Variants in MASP1 observed in about 807,000 individuals in gnomAD.
MASP1 encodes the protein mannan-binding lectin serine protease 1.
MASP1 carries 59 observed loss-of-function variants against 77.1 expected under a neutral mutation model. That is an observed-to-expected ratio of 0.77 (90% confidence interval 0.62 to 0.95). The LOEUF (loss-of-function observed/expected upper bound fraction) is 0.95. MASP1 is among the 40% of genes least tolerant of loss of function. MASP1 has a pLI of 0.00. For synonymous variants in MASP1, 362 were observed against 354.5 expected (o/e 1.02, Z -0.24); for missense variants, 885 against 912.9 (o/e 0.97, Z 0.39).
At chr3:187,283,048 T>C (rs1021432825) in intron 2 of MASP1, among the ~76,000 whole-genome samples, 1 of 152,124 alleles carries the variant, frequency 6.6e-6, no homozygotes, top group Admixed American at 6.5e-5. Flanking sequence ...CCACTCCATG[T>C]CATTTGGGGA....
exon 16 of MASP1, chr3:187,217,349 T>C (rs544292608): frequency 6.6e-5 from 10 of 152,348 alleles, no homozygotes; most frequent in Admixed American, 6.5e-4. Context: ...GCTTCTGTTG[T>C]TAATAAAATC....
chr3:187,229,950 C>G (rs1579468507), downstream of MASP1: 1 of 1,606,700 alleles, frequency 6.2e-7, no homozygotes, highest in African/African-American at 1.3e-5. Context: ...CTCCATCTTG[C>G]CCACTGCCAG....
chr3:187,283,322 C>G (rs1579588046), intron 2 of MASP1, among the ~76,000 whole-genome samples: 1 of 152,294 alleles, frequency 6.6e-6, no homozygotes, highest in East Asian at 1.9e-4. Context: ...TGAAAAGTAT[C>G]ATCATTTTTT....
chr3:187,275,454 T>C (rs1388686184), intron 2 of MASP1, among the ~76,000 whole-genome samples: 1 of 152,168 alleles, frequency 6.6e-6, no homozygotes, highest in Non-Finnish European at 1.5e-5. Context: ...GTCATAGCTC[T>C]GCCACTCATA....
chr3:187,241,278 T>C (rs1288810330), intron 10 of MASP1, among the ~76,000 whole-genome samples: 3 of 152,192 alleles, frequency 2.0e-5, no homozygotes, highest in Non-Finnish European at 4.4e-5. Flanking sequence ...CTCAGAGTGA[T>C]GGAGCAGGCA....
chr3:187,238,377 C>T (rs1713345626), intron 10 of MASP1, among the ~76,000 whole-genome samples: 1 of 152,186 alleles, frequency 6.6e-6, no homozygotes, highest in Admixed American at 6.5e-5. Flanking sequence ...CTTCATATCT[C>T]CACTGAAATC....
At chr3:187,250,601 T>C (rs1309290997) in intron 7 of MASP1, among the ~76,000 whole-genome samples, 7 of 152,206 alleles carry the variant, frequency 4.6e-5, no homozygotes, top group Admixed American at 3.3e-4. Flanking sequence ...ATTGACTCCT[T>C]TTTCAGAGCA....
chr3:187,239,400 T>C (rs575305259), intron 10 of MASP1, among the ~76,000 whole-genome samples: 1 of 152,276 alleles, frequency 6.6e-6, no homozygotes, highest in African/African-American at 2.4e-5. Context: ...GATGCTTTAC[T>C]TCTGAGGTAT....
chr3:187,220,439 TA>T (rs1711979057), intron 15 of MASP1, among the ~76,000 whole-genome samples: 1 of 151,840 alleles, frequency 6.6e-6, no homozygotes, highest in Non-Finnish European at 1.5e-5. Context: ...CAAATGATTC[TA>T]AAAAGCCCTG....
exon 13 of MASP1, chr3:187,225,438 G>T (rs371790448): frequency 6.2e-7 from 1 of 1,614,208 alleles, no homozygotes; most frequent in Admixed American, 1.7e-5. Flanking sequence ...GGATCATACT[G>T]GGGGTGGAGA....
chr3:187,251,723 C>G lies in MASP1; in HGVS notation c.922G>C (p.Val308Leu). 2 of 1,614,098 alleles carry G rather than the reference C, an allele frequency of 1.2e-6. No homozygotes were observed. Among genetic ancestry groups the G allele is most frequent in the Non-Finnish European group, 1.7e-6 (2 of 1,179,988 alleles). Residue 308 changes from valine (V) to leucine (L), a missense_variant, in exon 7 of 11, where the codon GTC (valine) becomes CTC (leucine). Physicochemically the swap from Val to Leu is conservative, Grantham distance 32. Transcript: ENST00000296280. Reference protein sequence around the residue: ...GNECPELQPPVHGKIEPSQAK... With the variant: ...GNECPELQPPLHGKIEPSQAK... ...TGGGAGGGCTCGATTTTCCCATGGA[C>G]AGGAGGCTGTAGCTCTGGGCACTCA...
intron 15 of MASP1, among the ~76,000 whole-genome samples, chr3:187,220,873 G>T (rs75448027): frequency 6.6e-6 from 1 of 152,180 alleles, no homozygotes; most frequent in Non-Finnish European, 1.5e-5. Context: ...TTTCTCCGAT[G>T]CATCTTCTCC....
chr3:187,251,498 G>A, intron 7 of MASP1, 136 bp downstream of exon 7: 1 of 750,196 alleles, frequency 1.3e-6, no homozygotes, highest in Non-Finnish European at 2.4e-6. Flanking sequence ...TGGAGCATTT[G>A]AGAAGTTGAT....
rs190756558 is a variant in MASP1, at chr3:187,234,091, T to C, written c.*1593A>G. On this transcript the variant is annotated 3_prime_UTR_variant, in exon 11 of 11. Transcript: ENST00000296280. ...ACCCATAAGCCAAGGCTGTTGGTTA[T>C]CCACGAGGGTTTATTTCCACTTGAG... 334 of 1,272,098 alleles carry C rather than the reference T, an allele frequency of 2.6e-4. 3 individuals carry two copies. In the African/African-American group the frequency reaches 4.7e-3, roughly 18 times the overall value. The allele number at this position is 1,272,098 out of a possible 1,614,324, so 78.8% of individuals were successfully genotyped here.
At chr3:187,220,496 CTTTTTTTTTTTT>C (rs376566294) in intron 15 of MASP1, among the ~76,000 whole-genome samples, 1 of 127,766 alleles carries the variant, frequency 7.8e-6, no homozygotes. Flanking sequence ...TTTTTTCTTT[CTTTTTTTTTTTT>C]TTTTTGAGAT....
downstream of MASP1, among the ~76,000 whole-genome samples, chr3:187,230,282 A>G (rs1040487339): frequency 2.0e-5 from 3 of 152,254 alleles, no homozygotes; most frequent in Admixed American, 2.0e-4. Context: ...TTGCCAAGCT[A>G]TTAGCCATAA....
At chr3:187,231,845 A>T (rs1240446958), downstream of MASP1, among the ~76,000 whole-genome samples, 1 of 152,220 alleles carries the variant, frequency 6.6e-6, no homozygotes, top group Non-Finnish European at 1.5e-5. Flanking sequence ...AAACATGGAG[A>T]ACTGAACATG....
intron 2 of MASP1, among the ~76,000 whole-genome samples, chr3:187,266,666 C>T (rs1716050673): frequency 6.6e-6 from 1 of 152,122 alleles, no homozygotes; most frequent in Non-Finnish European, 1.5e-5. Flanking sequence ...CCCCACTACC[C>T]ATTACCTGGC....
Position 187,221,723 on chromosome 3 carries a change from C to T in MASP1, c.1810-589G>A, listed in dbSNP as rs181204683. Among the ~76,000 whole-genome samples the T allele has an allele frequency of 2.6e-5, 4 of 152,314 alleles. No individual in the cohort carries two copies. The East Asian group carries it at 7.7e-4, about 29-fold the overall frequency. On this transcript the variant is annotated intron_variant, in intron 14 of 15. Transcript: ENST00000337774. ...AGCAAGCACTTTGTTATGTTGTCCT[C>T]CCTCTCTACAGTATGAGCATCTGTC...
Sources: gnomAD v4.1 joint callset for allele counts (sites outside exome capture counted in the v4.1 genomes callset) on GRCh38, gnomAD v4.1.1 for gene constraint, MANE v1.5 for transcripts, NCBI Gene and HGNC (gene_info 2026-07-23, HGNC 2026-07-21) for gene names.